REELD1: variants seen among roughly 807,000 people sequenced by gnomAD.
REELD1 encodes reelin domain-containing protein 1.
In REELD1, 12 loss-of-function variants were observed where a neutral mutation model predicts 6.3. That is an observed-to-expected ratio of 1.89 (90% CI 1.21 to 3.07). REELD1 has a LOEUF of 3.07. Ranked by LOEUF, REELD1 falls within the 30% of genes most tolerant of loss-of-function variation. REELD1 has a pLI of 0.00. For missense variants in REELD1, 163 were observed against 86.8 expected, an observed-to-expected ratio of 1.88 and a Z score of -3.49; for synonymous variants, 57 against 33.6, an observed-to-expected ratio of 1.70 and a Z score of -2.42.
rs567718443 is a variant in REELD1 at position 146,222,580 on chromosome 4, G to C, written c.431+1G>C. On this transcript the variant is annotated splice_donor_variant, in intron 4 of 7. Coordinates refer to ENST00000623665, the MANE Select transcript of REELD1 (RefSeq NM_001354631.1). LOFTEE classifies it high-confidence loss of function. ...AGCCTGTGGGGGACATTAAGTTCCT[G>C]TAAGAGAGTGAAGTGCTGTTTCTTA... 1 of 398,636 alleles carries C rather than the reference G, an allele frequency of 2.5e-6. No individual in the cohort carries two copies. The highest frequency in any genetic ancestry group is 4.4e-6 in the Non-Finnish European group (1 of 226,084). 24.7% of individuals were successfully genotyped at this position (398,636 alleles called of 1,614,324 possible).
At chr4:146,220,105 G>A (rs1730896911) in intron 3 of REELD1, among the ~76,000 whole-genome samples, 1 of 152,052 alleles carries the variant, frequency 6.6e-6, no homozygotes, top group Non-Finnish European at 1.5e-5. Flanking sequence ...ACCACACCTG[G>A]CTAATTTTTT....
At chr4:146,221,155 C>T (rs566027739) in intron 3 of REELD1, among the ~76,000 whole-genome samples, 18 of 152,324 alleles carry the variant, frequency 1.2e-4, no homozygotes, top group African/African-American at 4.3e-4. Context: ...CTATCCATTT[C>T]CAGAACTTTT....
intron 5 of REELD1, among the ~76,000 whole-genome samples, chr4:146,225,104 A>G (rs1730997906): frequency 6.6e-6 from 1 of 152,172 alleles, no homozygotes; most frequent in East Asian, 1.9e-4. Flanking sequence ...AGAATCAGGA[A>G]TCACTGTTTC....
At chr4:146,221,348 C>A (rs1730919340) in intron 3 of REELD1, among the ~76,000 whole-genome samples, 1 of 152,192 alleles carries the variant, frequency 6.6e-6, no homozygotes. Flanking sequence ...TCAGGGCTAA[C>A]TGATAAGGTA....
chr4:146,220,384 ATG>A (rs1730902220), intron 3 of REELD1, among the ~76,000 whole-genome samples: 1 of 152,174 alleles, frequency 6.6e-6, no homozygotes, highest in Non-Finnish European at 1.5e-5. Context: ...CTTTATTCAT[ATG>A]TCTTTGCTCA....
chr4:146,215,464 T>C (rs1730807460), intron 2 of REELD1, among the ~76,000 whole-genome samples: 1 of 152,226 alleles, frequency 6.6e-6, no homozygotes, highest in African/African-American at 2.4e-5. Flanking sequence ...GTATAGATCA[T>C]ATTCCTGTCT....
chr4:146,218,751 G>A (rs1730869220), intron 3 of REELD1, among the ~76,000 whole-genome samples: 1 of 152,152 alleles, frequency 6.6e-6, no homozygotes, highest in African/African-American at 2.4e-5. Context: ...TTCTTTGGGG[G>A]CTCCATCCAC....
intron 5 of REELD1, among the ~76,000 whole-genome samples, chr4:146,225,203 A>G (rs1249171695): frequency 6.6e-6 from 1 of 152,152 alleles, no homozygotes; most frequent in Non-Finnish European, 1.5e-5. Context: ...AAGCAACAAA[A>G]CAAAGGAAAA....
intron 5 of REELD1, among the ~76,000 whole-genome samples, chr4:146,225,302 A>G (rs142842534): frequency 9.1e-4 from 139 of 152,334 alleles, no homozygotes; most frequent in Admixed American, 2.0e-3. Flanking sequence ...GTTAAGTGCT[A>G]TGAACACAAG....
Position 146,231,609 on chromosome 4 carries a change from T to C in REELD1, c.*1096T>C, listed in dbSNP as rs1389725829. Among the ~76,000 whole-genome samples the C allele has an allele frequency of 6.6e-6, 1 of 152,178 alleles. No homozygotes were observed. Among genetic ancestry groups the C allele is most frequent in the East Asian group, 1.9e-4 (1 of 5,204 alleles). ...CATCATTTTAATGCAGAAACAAAAA[T>C]CACTACAAATTCGGAAAGGATATTT... On this transcript the variant is annotated 3_prime_UTR_variant, in exon 8 of 8. Coordinates refer to ENST00000623665, the MANE Select transcript of REELD1 (RefSeq NM_001354631.1).
rs773304852 is a variant in REELD1, at chr4:146,215,735, TA to T, written c.-12+548del. 5.1e-3 allele frequency among the ~76,000 whole-genome samples: 624 copies of T among 122,824 alleles called. 4 individuals are homozygous for T. Among genetic ancestry groups the T allele is most frequent in the Non-Finnish European group, 8.4e-3 (493 of 58,992 alleles). 80.6% of individuals were successfully genotyped at this position (122,824 alleles called of 152,430 possible). ...TCTAAAATGCCTGTGTGCAGGACTATAAAAAAAAAAACAGAACTTTTTTTTT... is the reference window on the plus strand; with the variant it reads ...TCTAAAATGCCTGTGTGCAGGACTATAAAAAAAAAACAGAACTTTTTTTTT... On this transcript the variant is annotated intron_variant, in intron 2 of 7. Transcript: ENST00000623665.
Position 146,222,365 on chromosome 4 carries a change from A to T in REELD1, c.217A>T (p.Arg73Ter), listed in dbSNP as rs1730939414. 2 of 398,518 alleles carry T rather than the reference A, an allele frequency of 5.0e-6. No homozygotes were observed. Among genetic ancestry groups the T allele is most frequent in the Non-Finnish European group, 8.8e-6 (2 of 226,072 alleles). 24.7% of individuals were successfully genotyped at this position (398,518 alleles called of 1,614,324 possible). A position where few individuals can be genotyped will look rare whatever the true frequency, so the allele number is the denominator to read the frequency against. ...APGDKIPVTV[R>*]SSRDFMGFLL... is the part of the protein sequence containing the mutation. ...GGGTGTTTTTGTTGCAGTGACAGTGAGAAGCAGTCGTGATTTCATGGGATT... is the reference window on the plus strand; with the variant it reads ...GGGTGTTTTTGTTGCAGTGACAGTGTGAAGCAGTCGTGATTTCATGGGATT... The change falls in exon 4 of 8, where the codon AGA becomes TGA. Residue 73 changes from arginine to a stop codon, truncating the protein, a stop_gained. Coordinates refer to ENST00000623665, the MANE Select transcript of REELD1 (RefSeq NM_001354631.1). LOFTEE classifies it high-confidence loss of function.
Position 146,230,458 on chromosome 4 carries a change from A to C in REELD1, c.1526A>C (p.Gln509Pro). Residue 509 changes from glutamine (Q) to proline (P), a missense_variant, in exon 8 of 8, where the codon CAA becomes CCA. Physicochemically the swap from Gln to Pro is moderately conservative, Grantham distance 76. Coordinates refer to ENST00000623665, the MANE Select transcript of REELD1 (RefSeq NM_001354631.1). The part of the protein sequence containing the change: ...KIGENSFVLV[Q>P]AEYNWITPSV... ...GGGGAGAACAGTTTTGTTTTGGTTC[A>C]AGCAGAGTACAACTGGATCACTCCT... The C allele has an allele frequency of 5.0e-6, 2 of 398,732 alleles. No individual in the cohort carries two copies. The highest frequency in any genetic ancestry group is 8.8e-6 in the Non-Finnish European group (2 of 226,118). 24.7% of individuals were successfully genotyped at this position (398,732 alleles called of 1,614,324 possible). A position where few individuals can be genotyped will look rare whatever the true frequency, so the allele number is the denominator to read the frequency against.
chr4:146,226,387 C>G (rs923583278), intron 5 of REELD1, among the ~76,000 whole-genome samples: 2 of 152,136 alleles, frequency 1.3e-5, no homozygotes, highest in South Asian at 4.2e-4. Context: ...TTAGTCTATT[C>G]CAGCTGCTAT....
chr4:146,228,187 G>A (rs181591750), intron 5 of REELD1, 23 bp from the exon 6 acceptor site: 17 of 694,508 alleles, frequency 2.4e-5, no homozygotes, highest in East Asian at 8.1e-5. Flanking sequence ...CTCACTCTGC[G>A]CTGTCTTTGG....
Position 146,228,280 on chromosome 4 carries a change from AGAG to A in REELD1, c.672_674del (p.Glu224del), listed in dbSNP as rs1731061026. 1 of 702,574 alleles carries A rather than the reference AGAG, an allele frequency of 1.4e-6. No individual in the cohort carries two copies. 43.5% of individuals were successfully genotyped at this position (702,574 alleles called of 1,614,324 possible). On this transcript the variant is annotated inframe_deletion, in exon 6 of 8. Coordinates refer to ENST00000623665, the MANE Select transcript of REELD1 (RefSeq NM_001354631.1). ...TTGCTGTTGCCCTTCCTGGAGCTGC[AGAG>A]GAGGACAACCTAGATCCTGTTCCTG...
rs1427127801 is a variant in REELD1 at position 146,232,004 on chromosome 4, TAA to T, written c.*1492_*1493del. ...GGAAAGAAACAAAAGTACTGTAGTC[TAA>T]TAAGGCCACAGATATCCCTTCTGTA... On this transcript the variant is annotated 3_prime_UTR_variant, in exon 8 of 8. Transcript: ENST00000623665. 4 of 152,238 alleles carry T rather than the reference TAA, an allele frequency of 2.6e-5. No homozygotes were observed. The highest frequency in any genetic ancestry group is 5.9e-5 in the Non-Finnish European group (4 of 68,052). The allele number at this position is 152,238 out of a possible 1,614,324, so 9.4% of individuals were successfully genotyped here.
At chr4:146,227,993 C>A (rs1328907802) in intron 5 of REELD1, among the ~76,000 whole-genome samples, 1 of 152,090 alleles carries the variant, frequency 6.6e-6, no homozygotes, top group Non-Finnish European at 1.5e-5. Flanking sequence ...GCCAGGGACT[C>A]ACTCTCTAAA....
chr4:146,219,366 G>A (rs917022334), intron 3 of REELD1, among the ~76,000 whole-genome samples: 3 of 152,120 alleles, frequency 2.0e-5, no homozygotes, highest in East Asian at 1.9e-4. Flanking sequence ...ACTGACTTAC[G>A]TTGCAAGTAT....
Sources: allele counts gnomAD v4.1 joint callset (sites outside exome capture counted in the v4.1 genomes callset), GRCh38; gene constraint gnomAD v4.1.1; transcripts MANE v1.5; gene names NCBI Gene and HGNC (gene_info 2026-07-23, HGNC 2026-07-21).